The following POU2F1 variants were observed in gnomAD, a reference collection of about 807,000 sequenced individuals.
POU2F1 encodes POU domain, class 2, transcription factor 1.
POU2F1 carries 16 observed loss-of-function variants against 84.9 expected under a neutral mutation model. That is an observed-to-expected ratio of 0.19 (90% CI 0.13 to 0.29). The LOEUF (loss-of-function observed/expected upper bound fraction) is 0.29. Among genes scored for constraint, POU2F1 ranks in the 10% least tolerant of loss-of-function variants. POU2F1 has a pLI of 1.00. For synonymous variants in POU2F1, 368 were observed against 368.3 expected (o/e 1.00, Z 0.01); for missense variants, 738 against 942.6 (o/e 0.78, Z 2.84).
At chr1:167,237,782 T>A (rs1337686108) in intron 1 of POU2F1, among the ~76,000 whole-genome samples, 1 of 120,110 alleles carries the variant, frequency 8.3e-6, no homozygotes, top group African/African-American at 3.6e-5. Flanking sequence ...ATTTTTTTTT[T>A]TTTTTTTTTT....
intron 7 of POU2F1, chr1:167,379,760 A>G (rs1316855160): frequency 6.6e-6 from 1 of 152,220 alleles, no homozygotes; most frequent in Non-Finnish European, 1.5e-5. Flanking sequence ...GCCTTCATTC[A>G]CTTTCAGCAA....
At chr1:167,327,398 C>G (rs1446078368) in intron 1 of POU2F1, among the ~76,000 whole-genome samples, 1 of 152,182 alleles carries the variant, frequency 6.6e-6, no homozygotes, top group African/African-American at 2.4e-5. Context: ...CCCCCAAAGT[C>G]TCTCCTCATA....
At position 167,426,370 on chromosome 1, in the gene POU2F1, A is replaced by G. The variant is rs1328360818; in HGVS notation, c.*10560A>G. 2 of 152,208 alleles carry G rather than the reference A, an allele frequency of 1.3e-5. No homozygotes were observed. Among genetic ancestry groups the G allele is most frequent in the East Asian group, 1.9e-4 (1 of 5,194 alleles). 9.4% of individuals were successfully genotyped at this position (152,208 alleles called of 1,614,324 possible). ...ATTTTTGTATGTTTTGGGTGTGTCT[A>G]TGTATGTATTAACATAACAGTTTTC... On this transcript the variant is annotated 3_prime_UTR_variant, in exon 16 of 16. Transcript: ENST00000367866.
chr1:167,255,462 C>T (rs906749589), intron 1 of POU2F1, among the ~76,000 whole-genome samples: 6 of 152,044 alleles, frequency 3.9e-5, no homozygotes, highest in African/African-American at 1.4e-4. Flanking sequence ...GATTGAATTA[C>T]TAGATGAGGA....
chr1:167,400,344 T>G (rs1031312998), intron 12 of POU2F1, among the ~76,000 whole-genome samples: 2 of 152,150 alleles, frequency 1.3e-5, no homozygotes, highest in Non-Finnish European at 2.9e-5. Context: ...TTCATCACAT[T>G]TCCATCATAC....
intron 1 of POU2F1, among the ~76,000 whole-genome samples, chr1:167,243,861 A>G (rs1650105124): frequency 6.6e-6 from 1 of 152,220 alleles, no homozygotes; most frequent in African/African-American, 2.4e-5. Flanking sequence ...CCACTATCAC[A>G]AACATACTGA....
intron 1 of POU2F1, among the ~76,000 whole-genome samples, chr1:167,229,594 A>G (rs1648905210): frequency 6.6e-6 from 1 of 152,226 alleles, no homozygotes; most frequent in African/African-American, 2.4e-5. Context: ...CGATGGTGAT[A>G]ATACCAGTGT....
chr1:167,293,235 A>G (rs927079173), intron 1 of POU2F1, among the ~76,000 whole-genome samples: 3 of 152,214 alleles, frequency 2.0e-5, no homozygotes, highest in African/African-American at 7.2e-5. Context: ...TTGTATGCCT[A>G]GAAAACCCTA....
rs1389571319 is a variant in POU2F1 at position 167,419,858 on chromosome 1, TAA to T, written c.*4049_*4050del. The T allele has an allele frequency of 8.5e-5, 13 of 152,318 alleles. No homozygotes were observed. The highest frequency in any genetic ancestry group is 6.5e-4 in the Admixed American group (10 of 15,306). The allele number at this position is 152,318 out of a possible 1,614,324, so 9.4% of individuals were successfully genotyped here. A position where few individuals can be genotyped will look rare whatever the true frequency, so the allele number is the denominator to read the frequency against. Reference sequence around the variant, plus strand: ...TACTTAATGCTAGCACTGTAAGAAATAAGTCTTTTTTGTTTAAAAAAGGGAAG... The same window carrying T: ...TACTTAATGCTAGCACTGTAAGAAATGTCTTTTTTGTTTAAAAAAGGGAAG... On this transcript the variant is annotated 3_prime_UTR_variant, in exon 16 of 16. Coordinates refer to ENST00000367866, the MANE Select transcript of POU2F1 (RefSeq NM_002697.4).
chr1:167,221,028 C>G, intron 1 of POU2F1, 70 bp downstream of exon 1: 1 of 1,337,496 alleles, frequency 7.5e-7, no homozygotes, highest in Non-Finnish European at 1.0e-6. Context: ...CCCCCCGCGA[C>G]TTAGCATAAT....
chr1:167,358,737 T>TTTTTTTTTTTTTCTTTTTTTTTTG (rs71097670), intron 2 of POU2F1, among the ~76,000 whole-genome samples: 1 of 88,774 alleles, frequency 1.1e-5, no homozygotes, highest in Non-Finnish European at 2.2e-5. Context: ...TTTTTTTTTT[T>TTTTTTTTTTTTTCTTTTTTTTTTG]GAGACAGGTT....
chr1:167,310,192 G>A (rs1430132100), intron 1 of POU2F1, among the ~76,000 whole-genome samples: 1 of 152,066 alleles, frequency 6.6e-6, no homozygotes, highest in Non-Finnish European at 1.5e-5. Context: ...TTAGAGAGGG[G>A]AAGAAAGGGG....
At chr1:167,234,179 T>C (rs1167148831) in intron 1 of POU2F1, among the ~76,000 whole-genome samples, 1 of 152,204 alleles carries the variant, frequency 6.6e-6, no homozygotes, top group African/African-American at 2.4e-5. Context: ...TTAAGATCTA[T>C]AGATTTAACA....
At chr1:167,284,782 A>T (rs1653402220) in intron 1 of POU2F1, among the ~76,000 whole-genome samples, 1 of 152,174 alleles carries the variant, frequency 6.6e-6, no homozygotes, top group African/African-American at 2.4e-5. Context: ...GAACTCTCAT[A>T]CATACAGTGG....
intron 1 of POU2F1, among the ~76,000 whole-genome samples, chr1:167,230,051 A>T (rs1418742729): frequency 1.3e-5 from 2 of 152,230 alleles, no homozygotes; most frequent in African/African-American, 4.8e-5. Context: ...ATTTTTAAAG[A>T]AATTTCCCTA....
chr1:167,354,953 A>G (rs1363605934), intron 2 of POU2F1, among the ~76,000 whole-genome samples: 2 of 152,076 alleles, frequency 1.3e-5, no homozygotes, highest in East Asian at 3.8e-4. Flanking sequence ...TATGGATTGT[A>G]AATATTTTCT....
chr1:167,282,293 G>A (rs890783533), intron 1 of POU2F1, among the ~76,000 whole-genome samples: 10 of 151,654 alleles, frequency 6.6e-5, no homozygotes, highest in East Asian at 1.9e-4. Context: ...ACAGGCGCCC[G>A]CCACCACGCC....
Position 167,401,640 on chromosome 1 carries a change from A to C in POU2F1, c.1555+84A>C, listed in dbSNP as rs1417391692. 5.2e-6 allele frequency: 4 copies of C among 773,118 alleles called. No homozygotes were observed. In the African/African-American group the frequency reaches 7.3e-5, roughly 14 times the overall value. 47.9% of individuals were successfully genotyped at this position (773,118 alleles called of 1,614,324 possible). A position where few individuals can be genotyped will look rare whatever the true frequency, so the allele number is the denominator to read the frequency against. On this transcript the variant is annotated intron_variant, in intron 13 of 15. Transcript: ENST00000367866. The stretch of plus-strand genomic sequence containing the variant: ...TATAAGAGTCTACCATTAAATTGTG[A>C]ATTAAGGCCCTAACTAAAGATAGGT...
intron 1 of POU2F1, among the ~76,000 whole-genome samples, chr1:167,236,662 A>G (rs115408053): frequency 4.9e-4 from 74 of 152,274 alleles, no homozygotes; most frequent in African/African-American, 1.7e-3. Flanking sequence ...AGCTTGGATC[A>G]GTCTACCTGT....
Sources: allele counts gnomAD v4.1 joint callset (sites outside exome capture counted in the v4.1 genomes callset), GRCh38; gene constraint gnomAD v4.1.1; transcripts MANE v1.5; gene names NCBI Gene and HGNC (gene_info 2026-07-23, HGNC 2026-07-21).